CELSR3: variants seen among roughly 807,000 people sequenced by gnomAD.
CELSR3 encodes the protein EGF-like protein 1.
A neutral mutation model predicts 270.0 loss-of-function variants in CELSR3; 73 were observed. The ratio of observed to expected loss-of-function variants is 0.27; its 90% confidence interval spans 0.22 to 0.33. The LOEUF is 0.33. Ranked by LOEUF, CELSR3 falls within the 10% of genes least tolerant of loss-of-function variation. CELSR3 has a pLI of 1.00. For missense variants in CELSR3, 3,614 were observed against 4,533.8 expected, an observed-to-expected ratio of 0.80 and a Z score of 5.83; for synonymous variants, 1,780 against 1,905.4, an observed-to-expected ratio of 0.93 and a Z score of 1.71.
rs951282633 is a variant in CELSR3 at position 48,636,497 on chromosome 3, G to T, written c.*1708C>A. The T allele has an allele frequency of 2.0e-5, 3 of 152,184 alleles. No individual in the cohort carries two copies. Among genetic ancestry groups the T allele is most frequent in the African/African-American group, 7.2e-5 (3 of 41,446 alleles). The allele number at this position is 152,184 out of a possible 1,614,324, so 9.4% of individuals were successfully genotyped here. A position where few individuals can be genotyped will look rare whatever the true frequency, so the allele number is the denominator to read the frequency against. ...TAGAAGTTTATTCCCAAAACAGAGC[G>T]CGGCTTCACGGAACAATTTACACAG... is the stretch of plus-strand genomic sequence containing the variant. On this transcript the variant is annotated 3_prime_UTR_variant, in exon 35 of 35. Transcript: ENST00000164024.
At position 48,660,161 on chromosome 3, in the gene CELSR3, C is replaced by A. The variant is rs200848196; in HGVS notation, c.2474G>T (p.Arg825Leu). 3.7e-6 allele frequency: 6 copies of A among 1,614,146 alleles called. No individual in the cohort carries two copies. The highest frequency in any genetic ancestry group is 2.2e-5 in the East Asian group (1 of 44,886). Reference protein sequence around the residue: ...LALPLDYKQERYFKLVLTASD... With the variant: ...LALPLDYKQELYFKLVLTASD... ...TGCAGTTAGTACCAGCTTGAAGTAG[C>A]GTTCCTGCTTGTAGTCCAGTGGCAG... is the stretch of plus-strand genomic sequence containing the variant. The change falls in exon 1 of 35, where the codon CGC (arginine) becomes CTC (leucine). Residue 825 changes from arginine to leucine, a missense_variant. By Grantham distance (102) the Arg-to-Leu change is moderately radical. This residue lies in a region of CELSR3 where 215 missense variants were observed against 241.2 expected (regional missense o/e 0.89). Transcript: ENST00000164024. The surrounding 1 kb of genome is among the most constrained non-coding windows in gnomAD (Gnocchi z 5.5).
chr3:48,638,013 G>A lies in CELSR3; in HGVS notation c.*192C>T, dbSNP rs992881586. 9.1e-6 allele frequency: 5 copies of A among 550,226 alleles called. No individual in the cohort carries two copies. Among genetic ancestry groups the A allele is most frequent in the Admixed American group, 3.0e-5 (1 of 33,552 alleles). 34.1% of individuals were successfully genotyped at this position (550,226 alleles called of 1,614,324 possible). A position where few individuals can be genotyped will look rare whatever the true frequency, so the allele number is the denominator to read the frequency against. On this transcript the variant is annotated 3_prime_UTR_variant, in exon 35 of 35. Coordinates refer to ENST00000164024, the MANE Select transcript of CELSR3 (RefSeq NM_001407.3). ...TATAAAAGTCTCCCTCCAGTCCCCC[G>A]TCTCTGCACCTGTCACACGCATGCT... is the stretch of plus-strand genomic sequence containing the variant.
chr3:48,641,558 G>C lies in CELSR3; in HGVS notation c.8825-34C>G. ...CCAGGTCAGGTTACAGGAGCTTCTG[G>C]GTTGATCCCAGTGACTCATGACCCC... On this transcript the variant is annotated intron_variant, in intron 32 of 34. Coordinates refer to ENST00000164024, the MANE Select transcript of CELSR3 (RefSeq NM_001407.3). This position sits in a 1 kb window ranked among gnomAD's most constrained non-coding sequence, Gnocchi z 4.8. The C allele has an allele frequency of 6.6e-7, 1 of 1,525,450 alleles. No homozygotes were observed. Among genetic ancestry groups the C allele is most frequent in the Non-Finnish European group, 9.1e-7 (1 of 1,103,854 alleles). The allele number at this position is 1,525,450 out of a possible 1,614,324, so 94.5% of individuals were successfully genotyped here.
chr3:48,648,933 C>G lies in CELSR3; in HGVS notation c.6568-5G>C, dbSNP rs376842368. The G allele has an allele frequency of 4.9e-5, 79 of 1,612,614 alleles. No individual in the cohort carries two copies. The African/African-American group carries it at 9.9e-4, about 20-fold the overall frequency. ...GTTCAGCTCTAGGCCATCCAGCTGCCAAGACAAGGAGATGGTTGCTCTGTG... is the reference window on the plus strand; with the variant it reads ...GTTCAGCTCTAGGCCATCCAGCTGCGAAGACAAGGAGATGGTTGCTCTGTG... On this transcript the variant is annotated splice_region_variant and splice_polypyrimidine_tract_variant and intron_variant, in intron 17 of 34. Coordinates refer to ENST00000164024, the MANE Select transcript of CELSR3 (RefSeq NM_001407.3).
Position 48,642,011 on chromosome 3 carries a change from T to A in CELSR3, c.8666-2A>T. 6.6e-7 allele frequency: 1 copy of A among 1,525,776 alleles called. No homozygotes were observed. Among genetic ancestry groups the A allele is most frequent in the South Asian group, 1.3e-5 (1 of 77,732 alleles). The allele number at this position is 1,525,776 out of a possible 1,614,324, so 94.5% of individuals were successfully genotyped here. ...CACTGTCAGAGTCGGAGTCTGCGCC[T>A]GGAGTTGGGAAAGTCAGAAGTACTT... is the stretch of plus-strand genomic sequence containing the variant. On this transcript the variant is annotated splice_acceptor_variant, in intron 31 of 34. Transcript: ENST00000164024. LOFTEE classifies it high-confidence loss of function. The surrounding 1 kb of genome is among the most constrained non-coding windows in gnomAD (Gnocchi z 6.1).
chr3:48,646,090 A>G lies in CELSR3; in HGVS notation c.7463T>C (p.Leu2488Pro). Residue 2488 changes from leucine to proline, a missense_variant and splice_region_variant, in exon 22 of 35, where the codon CTG becomes CCG. This residue lies in a region of CELSR3 where 1,240 missense variants were observed against 1,351.7 expected (regional missense o/e 0.92). Transcript: ENST00000164024. The surrounding 1 kb of genome is among the most constrained non-coding windows in gnomAD (Gnocchi z 4.8). ...GGGTTTCCAGAATGGGGGTCCTCAC[A>G]GGCCAGGTGGGTCCCACTGCACACA... ...AICVQWDPPG[L>P]AEQHGVWTAR... 1.2e-6 allele frequency: 2 copies of G among 1,612,212 alleles called. No homozygotes were observed. The highest frequency in any genetic ancestry group is 1.7e-6 in the Non-Finnish European group (2 of 1,179,504).
Position 48,638,119 on chromosome 3 carries a change from G to A in CELSR3, c.*86C>T. 8.1e-7 allele frequency: 1 copy of A among 1,233,546 alleles called. No homozygotes were observed. Among genetic ancestry groups the A allele is most frequent in the South Asian group, 1.2e-5 (1 of 82,430 alleles). The allele number at this position is 1,233,546 out of a possible 1,614,324, so 76.4% of individuals were successfully genotyped here. A position where few individuals can be genotyped will look rare whatever the true frequency, so the allele number is the denominator to read the frequency against. Reference sequence around the variant, plus strand: ...CCACTGGGGAGCAGGAGGCTGCCTTGGGATCTGCCCCCACTCCTGGAGTCT... The same window carrying A: ...CCACTGGGGAGCAGGAGGCTGCCTTAGGATCTGCCCCCACTCCTGGAGTCT... On this transcript the variant is annotated 3_prime_UTR_variant, in exon 35 of 35. Transcript: ENST00000164024.
intron 34 of CELSR3, 140 bp from the exon 35 acceptor site, chr3:48,638,372 T>G: frequency 1.5e-6 from 1 of 685,506 alleles, no homozygotes; most frequent in East Asian, 2.6e-5. Flanking sequence ...AGCCCCTTCA[T>G]GCCCACTCCA....
chr3:48,650,432 C>CCGGGGGGGGGGGGGGGGGGGGGGGGGGGG lies in CELSR3; in HGVS notation c.6472+47_6472+48insCCCCCCCCCCCCCCCCCCCCCCCCCCCCG. On this transcript the variant is annotated intron_variant, in intron 16 of 34. Coordinates refer to ENST00000164024, the MANE Select transcript of CELSR3 (RefSeq NM_001407.3). This position sits in a 1 kb window ranked among gnomAD's most constrained non-coding sequence, Gnocchi z 5.1. Reference sequence around the variant, plus strand: ...AGACATGGCTCTAGCAGTCAGAGTACAGGCCCACCCCCACCCTCAGTGATG... The same window carrying CCGGGGGGGGGGGGGGGGGGGGGGGGGGGG: ...AGACATGGCTCTAGCAGTCAGAGTACCGGGGGGGGGGGGGGGGGGGGGGGGGGGGAGGCCCACCCCCACCCTCAGTGATG... The CCGGGGGGGGGGGGGGGGGGGGGGGGGGGG allele has an allele frequency of 4.1e-6, 5 of 1,208,942 alleles. No individual in the cohort carries two copies. The highest frequency in any genetic ancestry group is 2.4e-6 in the Non-Finnish European group (2 of 844,584). The allele number at this position is 1,208,942 out of a possible 1,614,324, so 74.9% of individuals were successfully genotyped here.
rs1157607248 is a variant in CELSR3 at position 48,656,856 on chromosome 3, T to A, written c.4241A>T (p.Gln1414Leu). The change falls in exon 2 of 35, where the codon CAG becomes CTG. Residue 1414 changes from glutamine to leucine, a missense_variant. Physicochemically the swap from Gln to Leu is moderately radical, Grantham distance 113. Around this residue, in one of 7 missense-constraint regions of CELSR3, gnomAD observed 1,331 missense variants for 1,933.7 expected, o/e 0.69. Transcript: ENST00000164024. ...GCGGCAGCGCAGGCCAGCGATGGGCTGGATGGGTCGGAACAGCGTGGAGGC... is the reference window on the plus strand; with the variant it reads ...GCGGCAGCGCAGGCCAGCGATGGGCAGGATGGGTCGGAACAGCGTGGAGGC... ...ASASTLFRPI[Q>L]PIAGLRCRCP... The A allele has an allele frequency of 6.2e-7, 1 of 1,609,660 alleles. No individual in the cohort carries two copies. Among genetic ancestry groups the A allele is most frequent in the Admixed American group, 1.7e-5 (1 of 59,520 alleles).
chr3:48,642,076 G>C lies in CELSR3; in HGVS notation c.8666-67C>G, dbSNP rs981271210. The C allele has an allele frequency of 1.4e-6, 2 of 1,436,682 alleles. No homozygotes were observed. Among genetic ancestry groups the C allele is most frequent in the African/African-American group, 2.9e-5 (2 of 69,952 alleles). 89.0% of individuals were successfully genotyped at this position (1,436,682 alleles called of 1,614,324 possible). A position where few individuals can be genotyped will look rare whatever the true frequency, so the allele number is the denominator to read the frequency against. On this transcript the variant is annotated intron_variant, in intron 31 of 34. Coordinates refer to ENST00000164024, the MANE Select transcript of CELSR3 (RefSeq NM_001407.3). The surrounding 1 kb of genome is among the most constrained non-coding windows in gnomAD (Gnocchi z 6.1). ...CTTGGAGATAAGGGAATTTGGAGTT[G>C]AGGGTCTAGAGGTGGGTACGGCAAG...
rs767576418 is a variant in CELSR3, at chr3:48,639,957, G to A, written c.9628C>T (p.Arg3210Trp). Residue 3210 changes from arginine to tryptophan, a missense_variant, in exon 34 of 35, where the codon CGG becomes TGG. Around this residue, in one of 7 missense-constraint regions of CELSR3, gnomAD observed 1,240 missense variants for 1,351.7 expected, o/e 0.92. Transcript: ENST00000164024. This position sits in a 1 kb window ranked among gnomAD's most constrained non-coding sequence, Gnocchi z 4.1. ...CCAAGGGCTTCTCGTGAGGGGTGCC[G>A]GCTAGGCACCTGGTCCAGCTGCTCC... The part of the protein sequence containing the change: ...SREQLDQVPS[R>W]HPSREALGPL... The A allele has an allele frequency of 1.9e-5, 30 of 1,612,864 alleles. No individual in the cohort carries two copies. The highest frequency in any genetic ancestry group is 4.4e-5 in the South Asian group (4 of 91,086).
In CELSR3 at chr3:48,652,722, G is replaced by A. The variant is rs1348646800; in HGVS notation, c.5635-169C>T. Among the ~76,000 whole-genome samples the A allele has an allele frequency of 6.6e-6, 1 of 152,170 alleles. No homozygotes were observed. The highest frequency in any genetic ancestry group is 1.5e-5 in the Non-Finnish European group (1 of 68,024). On this transcript the variant is annotated intron_variant, in intron 10 of 34. Coordinates refer to ENST00000164024, the MANE Select transcript of CELSR3 (RefSeq NM_001407.3). The surrounding 1 kb of genome is among the most constrained non-coding windows in gnomAD (Gnocchi z 4.3). The stretch of plus-strand genomic sequence containing the variant: ...TTTTGACCGGGGGTGGGTAGAGACT[G>A]GGGCAGAGACTAGAAGGGGCTTCTA...
At position 48,646,358 on chromosome 3, in the gene CELSR3, G is replaced by T; in HGVS notation, c.7296-101C>A. 7.9e-7 allele frequency: 1 copy of T among 1,258,426 alleles called. No individual in the cohort carries two copies. Among genetic ancestry groups the T allele is most frequent in the Non-Finnish European group, 1.1e-6 (1 of 919,104 alleles). The allele number at this position is 1,258,426 out of a possible 1,614,324, so 78.0% of individuals were successfully genotyped here. A position where few individuals can be genotyped will look rare whatever the true frequency, so the allele number is the denominator to read the frequency against. ...TGCCACTCGCCAGGGCTGACCCAGG[G>T]TCTGGGATGTCCCCAGAGTGGAAGC... On this transcript the variant is annotated intron_variant, in intron 21 of 34. Transcript: ENST00000164024. The surrounding 1 kb of genome is among the most constrained non-coding windows in gnomAD (Gnocchi z 4.8).
chr3:48,656,017 G>C, intron 3 of CELSR3, 123 bp downstream of exon 3: 1 of 1,217,776 alleles, frequency 8.2e-7, no homozygotes, highest in Non-Finnish European at 1.2e-6. Context: ...GGAGACCCCG[G>C]GCGGGGCGTC....
rs2047010132 is a variant in CELSR3, at chr3:48,640,096, C to T, written c.9489G>A (p.Arg3163=). ...GAGGTGGGGGCTGTGGGTCAAGGTC[C>T]CGGGTGCGGCGGGGCGGAGGCAGCG... is the stretch of plus-strand genomic sequence containing the variant. ...LSTLPPPRRT[R]DLDPQPPPLP... is the part of the protein sequence containing the mutation. The change falls in exon 34 of 35, where the codon CGG becomes CGA. Residue 3163 remains arginine (R), a synonymous_variant. Transcript: ENST00000164024. The surrounding 1 kb of genome is among the most constrained non-coding windows in gnomAD (Gnocchi z 7.5). 1.2e-6 allele frequency: 2 copies of T among 1,611,104 alleles called. No homozygotes were observed. The highest frequency in any genetic ancestry group is 1.7e-6 in the Non-Finnish European group (2 of 1,179,834).
rs1319643332 is a variant in CELSR3, at chr3:48,655,214, G to A, written c.4831-13C>T. On this transcript the variant is annotated splice_polypyrimidine_tract_variant and intron_variant, in intron 5 of 34. Transcript: ENST00000164024. The surrounding 1 kb of genome is among the most constrained non-coding windows in gnomAD (Gnocchi z 5.8). The stretch of plus-strand genomic sequence containing the variant: ...CATCTGTCCGGGGCTGAAGACGCAG[G>A]CACACCAGTCAACAGTGCCCCCAGT... The A allele has an allele frequency of 1.2e-6, 2 of 1,613,986 alleles. No homozygotes were observed. The highest frequency in any genetic ancestry group is 1.7e-6 in the Non-Finnish European group (2 of 1,179,926).
rs1269431471 is a variant in CELSR3 at position 48,642,807 on chromosome 3, G to A, written c.8484C>T (p.Val2828=). The change falls in exon 30 of 35, where the codon GTC becomes GTT. Residue 2828 remains valine, a synonymous_variant. Coordinates refer to ENST00000164024, the MANE Select transcript of CELSR3 (RefSeq NM_001407.3). This position sits in a 1 kb window ranked among gnomAD's most constrained non-coding sequence, Gnocchi z 6.1. ...CGGAGCGGGCACTGCTCACAGAGGA[G>A]ACGGTGGAGGCGCCCAGAGTGATGC... ...LIRITLGAST[V]SSVSSARSGR... 3 of 1,613,132 alleles carry A rather than the reference G, an allele frequency of 1.9e-6. No individual in the cohort carries two copies. The highest frequency in any genetic ancestry group is 2.5e-6 in the Non-Finnish European group (3 of 1,179,986).
chr3:48,645,927 G>A lies in CELSR3; in HGVS notation c.7464-59C>T. On this transcript the variant is annotated intron_variant, in intron 22 of 34. Coordinates refer to ENST00000164024, the MANE Select transcript of CELSR3 (RefSeq NM_001407.3). This position sits in a 1 kb window ranked among gnomAD's most constrained non-coding sequence, Gnocchi z 5.4. Reference sequence around the variant, plus strand: ...CCCAGTGTCAGGCAGGGGTTTGTGAGAGATCATGGGAAGGGCTGAGGGTGC... The same window carrying A: ...CCCAGTGTCAGGCAGGGGTTTGTGAAAGATCATGGGAAGGGCTGAGGGTGC... 1 of 1,576,614 alleles carries A rather than the reference G, an allele frequency of 6.3e-7. No individual in the cohort carries two copies. Among genetic ancestry groups the A allele is most frequent in the Non-Finnish European group, 8.6e-7 (1 of 1,158,356 alleles).
Sources: gnomAD v4.1 joint callset for allele counts (sites outside exome capture counted in the v4.1 genomes callset) on GRCh38, gnomAD v4.1.1 for gene constraint, gnomAD v4.1.1 regional missense constraint, Gnocchi (gnomAD v3.1) non-coding constraint, MANE v1.5 for transcripts, NCBI Gene and HGNC (gene_info 2026-07-23, HGNC 2026-07-21) for gene names.